DOCK3: variants seen among roughly 807,000 people sequenced by gnomAD.
DOCK3 encodes dedicator of cytokinesis protein 3.
A neutral mutation model predicts 265.6 loss-of-function variants in DOCK3; 60 were observed. That is an observed-to-expected ratio of 0.23 (90% CI 0.18 to 0.28). The LOEUF (loss-of-function observed/expected upper bound fraction) is 0.28, where lower values mean the gene tolerates loss of function less well. Among genes scored for constraint, DOCK3 ranks in the 10% least tolerant of loss-of-function variants. The probability of loss-of-function intolerance (pLI) is 1.00; values close to 1 mark genes in which losing one functional copy is unlikely to be tolerated. For synonymous variants in DOCK3, 881 were observed against 938.0 expected, an observed-to-expected ratio of 0.94 and a Z score of 1.11; for missense variants, 1,981 against 2,594.3, an observed-to-expected ratio of 0.76 and a Z score of 5.14.
At chr3:50,719,540 C>A in intron 1 of DOCK3, 1 of 1,219,034 alleles carries the variant, frequency 8.2e-7, no homozygotes, top group South Asian at 1.3e-5. Flanking sequence ...GTTTCTGGAT[C>A]TAGAGCACTC....
intron 2 of DOCK3, among the ~76,000 whole-genome samples, chr3:50,786,351 G>T (rs958868208): frequency 6.6e-6 from 1 of 152,110 alleles, no homozygotes; most frequent in Non-Finnish European, 1.5e-5. Context: ...TTAGTTTGGT[G>T]TTTCCCTTGG....
Position 50,854,086 on chromosome 3 carries a change from G to A in DOCK3, c.162+12371G>A, listed in dbSNP as rs554381995. On this transcript the variant is annotated intron_variant, in intron 3 of 52. Coordinates refer to ENST00000266037, the MANE Select transcript of DOCK3 (RefSeq NM_004947.5). ...ATAGTTACATTGAGCATTTTTTCAC[G>A]TATGTTGGCTGCTTCTGTGTCTTCT... Among the ~76,000 whole-genome samples, 11 of 151,970 alleles carry A rather than the reference G, an allele frequency of 7.2e-5. No homozygotes were observed. In the South Asian group the frequency reaches 8.3e-4, roughly 11 times the overall value.
chr3:50,750,108 C>T (rs2039695827), intron 1 of DOCK3, among the ~76,000 whole-genome samples: 1 of 151,986 alleles, frequency 6.6e-6, no homozygotes, highest in African/African-American at 2.4e-5. Context: ...GAATGCAAAC[C>T]CTATTGTGAA....
chr3:51,135,672 G>T (rs1173524375), intron 9 of DOCK3, among the ~76,000 whole-genome samples: 5 of 152,046 alleles, frequency 3.3e-5, no homozygotes, highest in Non-Finnish European at 7.4e-5. Context: ...ACACTGTGTT[G>T]CATGGCACCT....
intron 9 of DOCK3, among the ~76,000 whole-genome samples, chr3:51,140,948 A>C (rs1294235137): frequency 6.6e-6 from 1 of 152,026 alleles, no homozygotes; most frequent in Non-Finnish European, 1.5e-5. Flanking sequence ...TCTTTTTATT[A>C]TTGAATTTTA....
intron 32 of DOCK3, among the ~76,000 whole-genome samples, chr3:51,326,523 G>C (rs540394206): frequency 6.6e-6 from 1 of 151,392 alleles, no homozygotes; most frequent in Admixed American, 6.6e-5. Context: ...CTCATGATCT[G>C]CCCACCTGGG....
intron 27 of DOCK3, among the ~76,000 whole-genome samples, chr3:51,283,221 G>A (rs77101734): frequency 8.3e-4 from 126 of 152,244 alleles, no homozygotes; most frequent in African/African-American, 3.0e-3. Flanking sequence ...GGTAGGAAAA[G>A]CTGAGAGGCA....
intron 26 of DOCK3, among the ~76,000 whole-genome samples, chr3:51,279,160 G>A (rs1163930272): frequency 6.6e-6 from 1 of 152,160 alleles, no homozygotes; most frequent in Non-Finnish European, 1.5e-5. Context: ...GCTGAGGCAG[G>A]AGAATCGCTT....
chr3:50,990,855 C>A (rs1042236160), intron 5 of DOCK3, among the ~76,000 whole-genome samples: 5 of 152,150 alleles, frequency 3.3e-5, no homozygotes, highest in Non-Finnish European at 7.4e-5. Flanking sequence ...ATGGTGCCCA[C>A]CCCAATTGAG....
chr3:51,306,131 G>A (rs569658469), intron 27 of DOCK3, among the ~76,000 whole-genome samples: 1 of 151,450 alleles, frequency 6.6e-6, no homozygotes, highest in Non-Finnish European at 1.5e-5. Flanking sequence ...CTCTCAAAGT[G>A]CTAGGATTAC....
chr3:50,800,023 T>G (rs2042992320), intron 2 of DOCK3, among the ~76,000 whole-genome samples: 1 of 152,242 alleles, frequency 6.6e-6, no homozygotes, highest in South Asian at 2.1e-4. Context: ...TGTTGAATTA[T>G]TCTTATATTC....
intron 2 of DOCK3, among the ~76,000 whole-genome samples, chr3:50,822,425 A>C (rs2044495033): frequency 6.6e-6 from 1 of 152,168 alleles, no homozygotes; most frequent in Admixed American, 6.5e-5. Context: ...AGGATTTTCT[A>C]GGTATAGAAT....
chr3:51,376,753 G>A (rs904419523), intron 51 of DOCK3, among the ~76,000 whole-genome samples: 1 of 152,176 alleles, frequency 6.6e-6, no homozygotes, highest in African/African-American at 2.4e-5. Context: ...TGTTCATCGA[G>A]TGCTATGTGC....
intron 4 of DOCK3, among the ~76,000 whole-genome samples, chr3:50,895,413 A>G (rs1274597459): frequency 6.6e-6 from 1 of 150,788 alleles, no homozygotes; most frequent in African/African-American, 2.4e-5. Flanking sequence ...TAAGGAAATT[A>G]TATTTATTCA....
intron 5 of DOCK3, among the ~76,000 whole-genome samples, chr3:50,958,680 T>G (rs1331564418): frequency 6.6e-6 from 1 of 152,198 alleles, no homozygotes; most frequent in African/African-American, 2.4e-5. Flanking sequence ...GCTTTCTATG[T>G]TCAGTACATT....
Position 50,835,443 on chromosome 3 carries a change from C to T in DOCK3, c.122-6232C>T, listed in dbSNP as rs770228916. Among the ~76,000 whole-genome samples, 142 of 152,274 alleles carry T rather than the reference C, an allele frequency of 9.3e-4. 1 individual carries two copies. Among genetic ancestry groups the T allele is most frequent in the South Asian group, 1.7e-3 (8 of 4,828 alleles). On this transcript the variant is annotated intron_variant, in intron 2 of 52. Coordinates refer to ENST00000266037, the MANE Select transcript of DOCK3 (RefSeq NM_004947.5). ...TTCAAACTTATCAGAAACTTCCATT[C>T]GAGAGCACCTGTCAAAGTTATATAG...
chr3:50,899,388 T>C (rs972727541), intron 4 of DOCK3, among the ~76,000 whole-genome samples: 8 of 152,158 alleles, frequency 5.3e-5, no homozygotes, highest in African/African-American at 1.7e-4. Context: ...CTGAGATGGG[T>C]CTCCTAAATA....
At chr3:51,107,368 A>G (rs2083324399) in intron 9 of DOCK3, among the ~76,000 whole-genome samples, 1 of 152,246 alleles carries the variant, frequency 6.6e-6, no homozygotes, top group African/African-American at 2.4e-5. Context: ...GAGATGGCTG[A>G]AATGACAGAA....
At chr3:50,752,507 C>CA (rs1225389276) in intron 1 of DOCK3, among the ~76,000 whole-genome samples, 1,074 of 29,956 alleles carry the variant, frequency 0.036, 11 homozygotes, top group African/African-American at 0.083. Context: ...GAGTCCGTCT[C>CA]AAAAAAAAAA....
Sources: allele counts gnomAD v4.1 joint callset (sites outside exome capture counted in the v4.1 genomes callset), GRCh38; gene constraint gnomAD v4.1.1; transcripts MANE v1.5; gene names NCBI Gene and HGNC (gene_info 2026-07-23, HGNC 2026-07-21).